DHRS7C: variants seen among roughly 807,000 people sequenced by gnomAD.
DHRS7C encodes the protein dehydrogenase/reductase SDR family member 7C.
In DHRS7C, 28 loss-of-function variants were observed where a neutral mutation model predicts 29.6. The observed-to-expected ratio is 0.95, with a 90% CI of 0.70 to 1.30. The LOEUF (loss-of-function observed/expected upper bound fraction) is 1.30, where lower values mean the gene tolerates loss of function less well. DHRS7C is among the 50% of genes most tolerant of loss of function. The pLI is 0.00. For missense variants in DHRS7C, 403 were observed against 393.3 expected, an observed-to-expected ratio of 1.02 and a Z score of -0.21; for synonymous variants, 158 against 160.2, an observed-to-expected ratio of 0.99 and a Z score of 0.10.
Position 9,771,564 on chromosome 17 carries a change from G to C in DHRS7C, c.860C>G (p.Thr287Ser). 6.3e-7 allele frequency: 1 copy of C among 1,593,560 alleles called. No homozygotes were observed. The highest frequency in any genetic ancestry group is 2.3e-5 in the East Asian group (1 of 43,332). The change falls in exon 6 of 6, where the codon ACC (threonine) becomes AGC (serine). Residue 287 changes from threonine (T) to serine (S), a missense_variant. Physicochemically the swap from Thr to Ser is moderately conservative, Grantham distance 58 (BLOSUM62 1). Transcript: ENST00000571134. ...GGCGAAAAAGAACTCCGGGAAGAAGGTGCGGACGTACACGGCGGCCTTGGG... is the reference window on the plus strand; with the variant it reads ...GGCGAAAAAGAACTCCGGGAAGAAGCTGCGGACGTACACGGCGGCCTTGGG... ...PIPKAAVYVR[T>S]FFPEFFFAVV...
chr17:9,791,275 T>C lies in DHRS7C; in HGVS notation c.10A>G (p.Met4Val), dbSNP rs762919426. 1.2e-6 allele frequency: 2 copies of C among 1,613,694 alleles called. No individual in the cohort carries two copies. The highest frequency in any genetic ancestry group is 2.2e-5 in the South Asian group (2 of 90,958). Reference protein sequence around the residue: MGVMAMLMLPLLLL... With the variant: MGVVAMLMLPLLLL... The stretch of plus-strand genomic sequence containing the variant: ...AGCAGGGGGAGCATCAGCATGGCCA[T>C]GACTCCCATCTTGTTCTGGGGGACA... The change falls in exon 1 of 6, where the codon ATG becomes GTG. Residue 4 changes from methionine to valine, a missense_variant. Coordinates refer to ENST00000571134, the MANE Select transcript of DHRS7C (RefSeq NM_001105571.3).
At position 9,791,315 on chromosome 17, in the gene DHRS7C, G is replaced by T. The variant is rs369426897; in HGVS notation, c.-31C>A. ...TCTGGGGGACAACGGAGTAAAAGGG[G>T]ATTGGCTTTGCAAAGAGACGCTGAT... is the stretch of plus-strand genomic sequence containing the variant. On this transcript the variant is annotated 5_prime_UTR_variant, in exon 1 of 6. Transcript: ENST00000571134. 2.5e-6 allele frequency: 4 copies of T among 1,609,456 alleles called. No homozygotes were observed. The highest frequency in any genetic ancestry group is 2.2e-5 in the South Asian group (2 of 89,776).
At chr17:9,790,866 A>G (rs996709412) in intron 1 of DHRS7C, among the ~76,000 whole-genome samples, 3 of 152,240 alleles carry the variant, frequency 2.0e-5, no homozygotes, top group African/African-American at 7.2e-5. Context: ...TGAAGCCAAA[A>G]CAAATCACAT....
chr17:9,784,474 A>AAAAAC lies in DHRS7C; in HGVS notation c.155-2885_155-2881dup, dbSNP rs373003235. On this transcript the variant is annotated intron_variant, in intron 1 of 5. Transcript: ENST00000571134. ...GGAACAGAGTGAGACTCCATCTCAA[A>AAAAAC]AAAACAAAACAAAACAAAACAGAAA... Among the ~76,000 whole-genome samples the AAAAAC allele has an allele frequency of 1.7e-3, 265 of 152,278 alleles. 11 individuals carry two copies. The East Asian group carries it at 0.045, about 26-fold the overall frequency.
At chr17:9,779,789 G>T in intron 3 of DHRS7C, 36 bp downstream of exon 3, 1 of 1,571,484 alleles carries the variant, frequency 6.4e-7, no homozygotes, top group Non-Finnish European at 8.7e-7. Flanking sequence ...GAATCTGGTG[G>T]CCCAGATACC....
intron 4 of DHRS7C, among the ~76,000 whole-genome samples, chr17:9,776,770 T>C (rs567575238): frequency 3.7e-4 from 56 of 152,340 alleles, no homozygotes; most frequent in African/African-American, 1.3e-3. Context: ...AGGTCTCCAC[T>C]GCCCTCCCAT....
chr17:9,771,779 AG>A (rs1423769019), intron 5 of DHRS7C, 83 bp from the exon 6 acceptor site: 16 of 1,257,694 alleles, frequency 1.3e-5, no homozygotes, highest in Non-Finnish European at 1.2e-5. Flanking sequence ...ACAAAGGCTG[AG>A]GGGCGGGAAG....
At chr17:9,787,962 C>T (rs1365898862) in intron 1 of DHRS7C, among the ~76,000 whole-genome samples, 3 of 152,100 alleles carry the variant, frequency 2.0e-5, no homozygotes, top group Non-Finnish European at 4.4e-5. Flanking sequence ...TCACCTACCT[C>T]GGCCTCCCAA....
intron 1 of DHRS7C, 103 bp downstream of exon 1, chr17:9,791,028 C>T (rs2066451684): frequency 7.2e-7 from 1 of 1,387,078 alleles, no homozygotes; most frequent in Non-Finnish European, 9.7e-7. Context: ...TCCCCTCCCA[C>T]CGAGCAGGTT....
intron 1 of DHRS7C, among the ~76,000 whole-genome samples, chr17:9,787,344 A>G (rs1010621046): frequency 1.3e-5 from 2 of 152,192 alleles, no homozygotes; most frequent in African/African-American, 2.4e-5. Flanking sequence ...ACAGACAGCT[A>G]GGAGCATTCT....
At chr17:9,771,859 G>T (rs2066331072) in intron 5 of DHRS7C, among the ~76,000 whole-genome samples, 163 bp from the exon 6 acceptor site, 1 of 152,234 alleles carries the variant, frequency 6.6e-6, no homozygotes, top group Non-Finnish European at 1.5e-5. Flanking sequence ...CGACCAGCGG[G>T]AGACACTCCA....
chr17:9,776,888 C>T (rs1302177040), intron 4 of DHRS7C, among the ~76,000 whole-genome samples: 1 of 152,174 alleles, frequency 6.6e-6, no homozygotes, highest in Non-Finnish European at 1.5e-5. Context: ...GCATCTTTCT[C>T]AGGAGCGTGA....
Position 9,780,839 on chromosome 17 carries a change from G to A in DHRS7C, c.267+643C>T, listed in dbSNP as rs1457574400. 4.6e-5 allele frequency among the ~76,000 whole-genome samples: 7 copies of A among 152,160 alleles called. No individual in the cohort carries two copies. In the East Asian group the frequency reaches 5.8e-4, roughly 13 times the overall value. On this transcript the variant is annotated intron_variant, in intron 2 of 5. Transcript: ENST00000571134. The stretch of plus-strand genomic sequence containing the variant: ...CTCAGTGTTTCTCACACAATTGACC[G>A]CAAACCCTTGCTTTTACCCAGTGCC...
chr17:9,780,145 ATGACTG>A, intron 2 of DHRS7C, 110 bp from the exon 3 acceptor site: 1 of 885,282 alleles, frequency 1.1e-6, no homozygotes, highest in Non-Finnish European at 1.7e-6. Flanking sequence ...AGATAATGAA[ATGACTG>A]AAAAAAAAAA....
intron 3 of DHRS7C, among the ~76,000 whole-genome samples, chr17:9,777,656 C>T (rs541669923): frequency 6.6e-6 from 1 of 151,698 alleles, no homozygotes; most frequent in South Asian, 2.1e-4. Context: ...GTAGTGAGTA[C>T]GGTACCCAGT....
At chr17:9,778,130 G>T (rs2066372628) in intron 3 of DHRS7C, among the ~76,000 whole-genome samples, 1 of 152,112 alleles carries the variant, frequency 6.6e-6, no homozygotes, top group Non-Finnish European at 1.5e-5. Flanking sequence ...AGTGGCTCAC[G>T]CCTGTAATCC....
In DHRS7C at chr17:9,779,904, C is replaced by T. The variant is rs371028236; in HGVS notation, c.399G>A (p.Gly133=). ...GCTCCAGAGAAATCTTATGGGCAGG[C>T]CCCTTCACCTTCACACTGGCATTGT... ...LINNASVKVK[G]PAHKISLELD... is the part of the protein sequence containing the mutation. Residue 133 remains glycine, a synonymous_variant, in exon 3 of 6, where the codon GGG becomes GGA. Transcript: ENST00000571134. 1.9e-6 allele frequency: 3 copies of T among 1,613,836 alleles called. No individual in the cohort carries two copies. The highest frequency in any genetic ancestry group is 1.7e-6 in the Non-Finnish European group (2 of 1,179,846).
At chr17:9,779,468 G>A (rs1033681176) in intron 3 of DHRS7C, among the ~76,000 whole-genome samples, 2 of 152,162 alleles carry the variant, frequency 1.3e-5, no homozygotes, top group Admixed American at 6.5e-5. Context: ...GGTTGATATA[G>A]CAGAATGTAC....
chr17:9,787,930 C>T (rs1009583898), intron 1 of DHRS7C, among the ~76,000 whole-genome samples: 3 of 151,704 alleles, frequency 2.0e-5, no homozygotes, highest in Admixed American at 1.3e-4. Flanking sequence ...AGGCTGGTCT[C>T]GAACTCCTGA....
Sources: allele counts gnomAD v4.1 joint callset (sites outside exome capture counted in the v4.1 genomes callset), GRCh38; gene constraint gnomAD v4.1.1; transcripts MANE v1.5; gene names NCBI Gene and HGNC (gene_info 2026-07-23, HGNC 2026-07-21).